Variants in COL9A3 observed in about 807,000 individuals in gnomAD.
The protein encoded by COL9A3 is collagen alpha-3(IX) chain.
Under a neutral mutation model 110.2 loss-of-function variants are expected in COL9A3, and 82 were observed. The observed-to-expected ratio is 0.74, with a 90% CI of 0.62 to 0.89. The LOEUF is 0.89. Among genes scored for constraint, COL9A3 ranks in the 40% least tolerant of loss-of-function variants. The pLI, the probability that COL9A3 is intolerant of heterozygous loss-of-function variation, is 0.00. For missense variants in COL9A3, 1,066 were observed against 981.3 expected, an observed-to-expected ratio of 1.09 and a Z score of -1.15; for synonymous variants, 494 against 403.8, an observed-to-expected ratio of 1.22 and a Z score of -2.68.
intron 3 of COL9A3, 78 bp from the exon 4 acceptor site, chr20:62,819,144 G>A: frequency 1.4e-6 from 2 of 1,395,204 alleles, no homozygotes. Context: ...GAAGTGGAAA[G>A]CATTTTGCTT....
In COL9A3 at chr20:62,818,536, G is replaced by T; in HGVS notation, c.166G>T (p.Gly56Cys). Residue 56 changes from glycine (G) to cysteine (C), a missense_variant, in exon 3 of 32, where the codon GGT becomes TGT. Coordinates refer to ENST00000649368, the MANE Select transcript of COL9A3 (RefSeq NM_001853.4). ...CTCACAGGGAGAAGCTGGTCCTCCAGGTCTGCCTGGGCCCCCGGTGAGTGT... is the reference window on the plus strand; with the variant it reads ...CTCACAGGGAGAAGCTGGTCCTCCATGTCTGCCTGGGCCCCCGGTGAGTGT... ...DGIDGEAGPP[G>C]LPGPPGPKGA... 6.2e-7 allele frequency: 1 copy of T among 1,613,110 alleles called. No individual in the cohort carries two copies. Among genetic ancestry groups the T allele is most frequent in the Non-Finnish European group, 8.5e-7 (1 of 1,179,988 alleles).
chr20:62,829,064 G>A (rs986727320), intron 19 of COL9A3, 88 bp downstream of exon 19: 3 of 1,411,150 alleles, frequency 2.1e-6, no homozygotes, highest in African/African-American at 1.4e-5. Context: ...GTTGGTCACT[G>A]TAGGGCCGAC....
intron 23 of COL9A3, 36 bp downstream of exon 23, chr20:62,830,449 G>GT: frequency 6.3e-7 from 1 of 1,579,002 alleles, no homozygotes; most frequent in Non-Finnish European, 8.6e-7. Context: ...GGCATGGGGG[G>GT]CGGCACACCC....
At chr20:62,828,508 C>T (rs1297429406) in intron 17 of COL9A3, among the ~76,000 whole-genome samples, 1 of 152,246 alleles carries the variant, frequency 6.6e-6, no homozygotes, top group East Asian at 1.9e-4. Context: ...CATGATGTGC[C>T]TGGTGGACGA....
chr20:62,831,114 G>C (rs1003193276), intron 24 of COL9A3: 1 of 152,436 alleles, frequency 6.6e-6, no homozygotes, highest in East Asian at 1.9e-4. Context: ...GCGGAGGCGC[G>C]GTTGACAGAG....
Position 62,819,324 on chromosome 20 carries a change from C to T in COL9A3, c.255+31C>T, listed in dbSNP as rs772867026. The T allele has an allele frequency of 3.8e-6, 6 of 1,590,692 alleles. No individual in the cohort carries two copies. In the African/African-American group the frequency reaches 5.4e-5, roughly 14 times the overall value. On this transcript the variant is annotated intron_variant, in intron 4 of 31. Transcript: ENST00000649368. ...TGCGCCTGCCCCTCCCCGCCATGCC[C>T]CACTCCCCGCTCCGGGTCCCTGGAG... is the stretch of plus-strand genomic sequence containing the variant.
chr20:62,839,138 T>C (rs1454578795), intron 31 of COL9A3, among the ~76,000 whole-genome samples: 1 of 151,802 alleles, frequency 6.6e-6, no homozygotes, highest in East Asian at 1.9e-4. Flanking sequence ...GACAAGAGAA[T>C]CGCTTGAACC....
At chr20:62,835,324 A>G (rs1250865789) in intron 26 of COL9A3, among the ~76,000 whole-genome samples, 1 of 152,176 alleles carries the variant, frequency 6.6e-6, no homozygotes. Flanking sequence ...GCGTCATTCC[A>G]TGGTGGAAGG....
chr20:62,832,814 TC>T (rs2063606919), intron 25 of COL9A3: 2 of 423,302 alleles, frequency 4.7e-6, no homozygotes, highest in South Asian at 2.9e-5. Context: ...ACAAATGTCT[TC>T]CGTTTTTTGG....
chr20:62,832,007 C>A (rs2063600826), intron 24 of COL9A3, 147 bp from the exon 25 acceptor site: 2 of 833,728 alleles, frequency 2.4e-6, no homozygotes, highest in African/African-American at 1.7e-5. Flanking sequence ...GCCTTTGGGC[C>A]TGTGTCTGGG....
intron 14 of COL9A3, 71 bp downstream of exon 14, chr20:62,826,328 C>T (rs797019380): frequency 7.3e-6 from 10 of 1,377,490 alleles, no homozygotes; most frequent in African/African-American, 7.2e-5. Flanking sequence ...CTCCAGACTT[C>T]AGATGGGCCC....
chr20:62,817,944 A>G, intron 2 of COL9A3: 1 of 472,996 alleles, frequency 2.1e-6, no homozygotes, highest in Non-Finnish European at 4.1e-6. Context: ...AAGTGGGGAG[A>G]GGCACGTCCT....
intron 22 of COL9A3, 56 bp downstream of exon 22, chr20:62,829,875 G>A (rs2063582585): frequency 6.5e-7 from 1 of 1,530,120 alleles, no homozygotes; most frequent in African/African-American, 1.4e-5. Flanking sequence ...ATTGGCACAT[G>A]GCCCCAGTTT....
chr20:62,816,803 G>C (rs987729362), upstream of COL9A3, among the ~76,000 whole-genome samples: 2 of 152,202 alleles, frequency 1.3e-5, no homozygotes, highest in African/African-American at 4.8e-5. Context: ...AGCTGCGTGT[G>C]TGCAACGCGC....
chr20:62,823,225 A>C (rs1459827890), intron 10 of COL9A3, among the ~76,000 whole-genome samples: 1 of 152,168 alleles, frequency 6.6e-6, no homozygotes, highest in Non-Finnish European at 1.5e-5. Context: ...TGTCCTAGCT[A>C]CTTGGATGGC....
intron 10 of COL9A3, among the ~76,000 whole-genome samples, chr20:62,823,617 G>T (rs1049081145): frequency 1.3e-5 from 2 of 152,256 alleles, no homozygotes; most frequent in Non-Finnish European, 2.9e-5. Flanking sequence ...CCGATCGTGG[G>T]CTGAGTGGGG....
At chr20:62,836,368 G>T in intron 28 of COL9A3, 35 bp downstream of exon 28, 1 of 1,613,948 alleles carries the variant, frequency 6.2e-7, no homozygotes, top group South Asian at 1.1e-5. Flanking sequence ...AGCTTTCACA[G>T]GGTTGAGATC....
intron 10 of COL9A3, among the ~76,000 whole-genome samples, chr20:62,823,471 C>T (rs2063526517): frequency 6.6e-6 from 1 of 152,180 alleles, no homozygotes; most frequent in Non-Finnish European, 1.5e-5. Context: ...AAAGCTCGGC[C>T]CACTCTGACC....
In COL9A3 at chr20:62,821,180, G is replaced by A; in HGVS notation, c.310-1G>A. On this transcript the variant is annotated splice_acceptor_variant, in intron 5 of 31. Transcript: ENST00000649368. LOFTEE classifies it high-confidence loss of function. ...CCTAGACGCCTGCTTTCCTCCCACA[G>A]GGAAGTCTGGGACCCCCGGGGCCGC... The A allele has an allele frequency of 6.2e-7, 1 of 1,613,122 alleles. No individual in the cohort carries two copies. The highest frequency in any genetic ancestry group is 8.5e-7 in the Non-Finnish European group (1 of 1,179,786).
Sources: allele counts gnomAD v4.1 joint callset (sites outside exome capture counted in the v4.1 genomes callset), GRCh38; gene constraint gnomAD v4.1.1; transcripts MANE v1.5; gene names NCBI Gene and HGNC (gene_info 2026-07-23, HGNC 2026-07-21).